SPIDR: variants seen among roughly 807,000 people sequenced by gnomAD.
The protein encoded by SPIDR is scaffold protein involved in DNA repair, also known as DNA repair-scaffolding protein.
SPIDR carries 93 observed loss-of-function variants against 104.6 expected under a neutral mutation model. That is an observed-to-expected ratio of 0.89 (90% confidence interval 0.75 to 1.06). The LOEUF (loss-of-function observed/expected upper bound fraction) is 1.06, where lower values mean the gene tolerates loss of function less well. Ranked by LOEUF, SPIDR falls within the 50% of genes least tolerant of loss-of-function variation. SPIDR has a pLI of 0.00. For synonymous variants in SPIDR, 431 were observed against 416.9 expected (o/e 1.03, Z -0.41); for missense variants, 1,154 against 1,111.2 (o/e 1.04, Z -0.55).
intron 8 of SPIDR, among the ~76,000 whole-genome samples, chr8:47,575,757 C>G (rs1457826546): frequency 2.0e-5 from 3 of 151,538 alleles, no homozygotes; most frequent in African/African-American, 4.8e-5. Flanking sequence ...GTCAGGAGTT[C>G]GAGACCAGCC....
chr8:47,629,339 G>A (rs1312119247), intron 10 of SPIDR, among the ~76,000 whole-genome samples: 2 of 152,174 alleles, frequency 1.3e-5, no homozygotes, highest in Non-Finnish European at 2.9e-5. Context: ...GTATTGGCAA[G>A]CATATTATTT....
chr8:47,670,704 A>G (rs1307549409), intron 10 of SPIDR, among the ~76,000 whole-genome samples: 1 of 152,162 alleles, frequency 6.6e-6, no homozygotes, highest in Admixed American at 6.5e-5. Context: ...GGACTTGGGA[A>G]CATTTGAGCT....
chr8:47,336,066 T>C (rs2049674648), intron 5 of SPIDR, among the ~76,000 whole-genome samples: 1 of 152,230 alleles, frequency 6.6e-6, no homozygotes, highest in Admixed American at 6.5e-5. Context: ...TCTCTGCTTC[T>C]GGTATTCCCA....
At chr8:47,321,280 A>G (rs1311997509) in intron 5 of SPIDR, among the ~76,000 whole-genome samples, 1 of 152,198 alleles carries the variant, frequency 6.6e-6, no homozygotes, top group Non-Finnish European at 1.5e-5. Flanking sequence ...AAAAATCACA[A>G]GCATTCTTAT....
intron 10 of SPIDR, among the ~76,000 whole-genome samples, chr8:47,603,252 TGTGTCCTG>T (rs572346703): frequency 6.6e-6 from 1 of 152,242 alleles, no homozygotes; most frequent in African/African-American, 2.4e-5. Context: ...AGTGATTCTC[TGTGTCCTG>T]GTGGTGCAGG....
At chr8:47,676,890 C>T (rs2076515905) in intron 11 of SPIDR, among the ~76,000 whole-genome samples, 1 of 152,250 alleles carries the variant, frequency 6.6e-6, no homozygotes, top group African/African-American at 2.4e-5. Flanking sequence ...CCGCTCCAGC[C>T]ACCTGCTTTG....
At chr8:47,316,319 T>C (rs2045336237) in intron 5 of SPIDR, among the ~76,000 whole-genome samples, 2 of 152,226 alleles carry the variant, frequency 1.3e-5, no homozygotes, top group Admixed American at 6.5e-5. Flanking sequence ...ATGAGAACTC[T>C]TATAAAATTA....
intron 8 of SPIDR, among the ~76,000 whole-genome samples, chr8:47,522,909 A>G (rs2084380139): frequency 6.6e-6 from 1 of 152,014 alleles, no homozygotes; most frequent in Non-Finnish European, 1.5e-5. Flanking sequence ...ATTGTTTTGA[A>G]AGGAATAGTT....
chr8:47,701,907 G>A lies in SPIDR; in HGVS notation c.1917+43G>A, dbSNP rs137980447. 8.2e-4 allele frequency: 1,328 copies of A among 1,614,062 alleles called. 18 individuals carry two copies. The African/African-American group carries it at 0.015, about 19-fold the overall frequency. On this transcript the variant is annotated intron_variant, in intron 13 of 19. Coordinates refer to ENST00000297423, the MANE Select transcript of SPIDR (RefSeq NM_001080394.4). ...AACAGGTTTTTTAGGTATTGGCCAC[G>A]TCTGTGTGCTTCGTGTAATGCTGCC...
chr8:47,336,088 T>C (rs902107805), intron 5 of SPIDR, among the ~76,000 whole-genome samples: 11 of 152,204 alleles, frequency 7.2e-5, no homozygotes, highest in Non-Finnish European at 1.5e-4. Flanking sequence ...TAAGTGTACA[T>C]TTTATTATAG....
chr8:47,623,443 A>G (rs554630344), intron 10 of SPIDR, among the ~76,000 whole-genome samples: 2 of 152,360 alleles, frequency 1.3e-5, no homozygotes, highest in Non-Finnish European at 2.9e-5. Context: ...CAGACTGGCA[A>G]ATTGGATAAA....
chr8:47,262,187 A>G (rs987041814), intron 1 of SPIDR, among the ~76,000 whole-genome samples: 4 of 152,220 alleles, frequency 2.6e-5, no homozygotes, highest in African/African-American at 9.6e-5. Context: ...TAGAGCTCAA[A>G]CTTAGTGCAT....
At chr8:47,415,493 T>C (rs1436758897) in intron 7 of SPIDR, among the ~76,000 whole-genome samples, 3 of 152,176 alleles carry the variant, frequency 2.0e-5, no homozygotes, top group Non-Finnish European at 4.4e-5. Flanking sequence ...CCAAAATTCA[T>C]GTTGAAACCT....
At chr8:47,508,875 C>T (rs1435640634) in intron 8 of SPIDR, among the ~76,000 whole-genome samples, 1 of 151,994 alleles carries the variant, frequency 6.6e-6, no homozygotes, top group Non-Finnish European at 1.5e-5. Context: ...AGCTGCACAT[C>T]CTTTGGGAAT....
At chr8:47,649,237 T>C (rs1384084893) in intron 10 of SPIDR, among the ~76,000 whole-genome samples, 1 of 148,686 alleles carries the variant, frequency 6.7e-6, no homozygotes, top group African/African-American at 2.5e-5. Context: ...CTAGGCAGCA[T>C]AGAAAGAGCC....
intron 5 of SPIDR, among the ~76,000 whole-genome samples, chr8:47,379,233 C>T (rs527551800): frequency 4.6e-5 from 7 of 152,224 alleles, no homozygotes; most frequent in Non-Finnish European, 1.0e-4. Context: ...TGAGATTATT[C>T]GCCTATATTC....
chr8:47,596,340 G>T (rs1286617663), intron 9 of SPIDR, among the ~76,000 whole-genome samples: 2 of 152,114 alleles, frequency 1.3e-5, no homozygotes, highest in South Asian at 2.1e-4. Flanking sequence ...CCATCATAGC[G>T]TGCACTTACA....
intron 8 of SPIDR, among the ~76,000 whole-genome samples, chr8:47,569,072 G>A (rs1212829681): frequency 6.6e-6 from 1 of 152,118 alleles, no homozygotes; most frequent in East Asian, 1.9e-4. Flanking sequence ...AAAGTTAAAA[G>A]ATGGAAAAAG....
intron 8 of SPIDR, among the ~76,000 whole-genome samples, chr8:47,542,657 A>G (rs2088450662): frequency 6.6e-6 from 1 of 152,188 alleles, no homozygotes; most frequent in Admixed American, 6.5e-5. Context: ...GTAGATTCGC[A>G]TGCAGTTGTG....
Sources: allele counts gnomAD v4.1 joint callset (sites outside exome capture counted in the v4.1 genomes callset), GRCh38; gene constraint gnomAD v4.1.1; transcripts MANE v1.5; gene names NCBI Gene and HGNC (gene_info 2026-07-23, HGNC 2026-07-21).